AP3B1: variants seen among roughly 807,000 people sequenced by gnomAD.
The protein encoded by AP3B1 is AP-3 complex subunit beta-1.
Under a neutral mutation model 132.5 loss-of-function variants are expected in AP3B1, and 61 were observed. That is an observed-to-expected ratio of 0.46 (90% CI 0.37 to 0.57). The LOEUF is 0.57. Ranked by LOEUF, AP3B1 falls within the 20% of genes least tolerant of loss-of-function variation. The pLI is 0.00. For missense variants in AP3B1, 1,120 were observed against 1,289.4 expected (o/e 0.87, Z 2.01); for synonymous variants, 388 against 438.3 (o/e 0.89, Z 1.43).
intron 1 of AP3B1, among the ~76,000 whole-genome samples, chr5:78,286,202 C>T (rs1486937418): frequency 6.6e-6 from 1 of 152,170 alleles, no homozygotes; most frequent in East Asian, 1.9e-4. Flanking sequence ...TTGCAGAAAA[C>T]CCATTCCAAG....
At chr5:78,084,132 C>T (rs1750129726) in intron 22 of AP3B1, among the ~76,000 whole-genome samples, 1 of 151,930 alleles carries the variant, frequency 6.6e-6, no homozygotes, top group Non-Finnish European at 1.5e-5. Context: ...ATCTGCCTTG[C>T]TATCATTTCA....
chr5:78,133,661 TAATTA>T (rs138209505), intron 15 of AP3B1, among the ~76,000 whole-genome samples: 1,709 of 152,310 alleles, frequency 0.011, 27 homozygotes, highest in African/African-American at 0.038. Context: ...GATGGGATAT[TAATTA>T]AATAGTACTT....
chr5:78,142,378 ATTTG>A (rs1753187293), intron 14 of AP3B1, among the ~76,000 whole-genome samples: 1 of 152,160 alleles, frequency 6.6e-6, no homozygotes, highest in Non-Finnish European at 1.5e-5. Context: ...CGCACAGAAA[ATTTG>A]TTTTTTATAA....
chr5:78,122,461 C>A (rs932450767), intron 17 of AP3B1, among the ~76,000 whole-genome samples: 1 of 152,120 alleles, frequency 6.6e-6, no homozygotes, highest in Non-Finnish European at 1.5e-5. Context: ...CGTCTCAGCC[C>A]AAAATCTCCT....
At chr5:78,097,129 C>T (rs1580342162) in intron 21 of AP3B1, among the ~76,000 whole-genome samples, 2 of 131,258 alleles carry the variant, frequency 1.5e-5, no homozygotes, top group South Asian at 2.4e-4. Context: ...GCCCCCCACC[C>T]GGCCAGCCGC....
chr5:78,185,139 G>GA (rs898916417), intron 7 of AP3B1, among the ~76,000 whole-genome samples: 1 of 152,018 alleles, frequency 6.6e-6, no homozygotes, highest in Non-Finnish European at 1.5e-5. Flanking sequence ...TGAAGGGGGA[G>GA]AAAATCAAGA....
intron 22 of AP3B1, chr5:78,043,805 C>A: frequency 2.7e-6 from 1 of 369,150 alleles, no homozygotes; most frequent in Non-Finnish European, 5.4e-6. Flanking sequence ...GCCTGAAGAG[C>A]CTCCATAAAT....
chr5:78,128,428 G>A (rs1752555386), intron 16 of AP3B1, among the ~76,000 whole-genome samples: 1 of 152,090 alleles, frequency 6.6e-6, no homozygotes, highest in Non-Finnish European at 1.5e-5. Context: ...ACTTTACTGT[G>A]AATATTAAGA....
chr5:78,067,970 T>A (rs1392353572), intron 22 of AP3B1, among the ~76,000 whole-genome samples: 8 of 146,482 alleles, frequency 5.5e-5, no homozygotes, highest in African/African-American at 2.0e-4. Context: ...AAAAAATCAA[T>A]GAATCCAGGA....
In AP3B1 at chr5:78,041,206, G is replaced by A. The variant is rs184050280; in HGVS notation, c.2578-1932C>T. On this transcript the variant is annotated intron_variant, in intron 22 of 26. Transcript: ENST00000255194. ...GGAGAATGGCTTGAACCTGGGAGGCGGAGGTTGCTGTGGGCTGAGATCGCG... is the reference window on the plus strand; with the variant it reads ...GGAGAATGGCTTGAACCTGGGAGGCAGAGGTTGCTGTGGGCTGAGATCGCG... 3.7e-3 allele frequency among the ~76,000 whole-genome samples: 559 copies of A among 151,602 alleles called. 2 individuals carry two copies. Among genetic ancestry groups the A allele is most frequent in the African/African-American group, 0.011 (452 of 41,288 alleles).
chr5:78,070,188 C>T (rs891205524), intron 22 of AP3B1, among the ~76,000 whole-genome samples: 3 of 152,074 alleles, frequency 2.0e-5, no homozygotes, highest in African/African-American at 4.8e-5. Flanking sequence ...AGGCGGATCA[C>T]CTGAGGTCAG....
At chr5:78,196,565 A>C (rs1745084064) in intron 7 of AP3B1, among the ~76,000 whole-genome samples, 1 of 152,168 alleles carries the variant, frequency 6.6e-6, no homozygotes, top group Admixed American at 6.5e-5. Flanking sequence ...AAAAGCCTGC[A>C]CATGGATACA....
At chr5:78,265,229 G>A (rs1748270061) in intron 2 of AP3B1, among the ~76,000 whole-genome samples, 1 of 152,054 alleles carries the variant, frequency 6.6e-6, no homozygotes, top group African/African-American at 2.4e-5. Flanking sequence ...GTAAAACCAA[G>A]AGTTCTACAC....
chr5:78,032,374 A>G (rs1360831725), intron 24 of AP3B1, among the ~76,000 whole-genome samples: 2 of 152,166 alleles, frequency 1.3e-5, no homozygotes, highest in Non-Finnish European at 1.5e-5. Context: ...GAAAAAATTC[A>G]ATATCAGCCA....
intron 14 of AP3B1, among the ~76,000 whole-genome samples, chr5:78,144,986 A>G (rs1164699336): frequency 1.3e-5 from 2 of 152,180 alleles, no homozygotes; most frequent in African/African-American, 4.8e-5. Context: ...GGCATGAGCC[A>G]CCATGCCAGC....
At chr5:78,101,423 A>G (rs1751121110) in intron 20 of AP3B1, 2 of 392,340 alleles carry the variant, frequency 5.1e-6, no homozygotes, top group East Asian at 1.6e-4. Flanking sequence ...CATAGCTCAG[A>G]TATTTTTGAT....
rs1042732220 is a variant in AP3B1 at position 78,215,737 on chromosome 5, C to CA, written c.786+317dup. Among the ~76,000 whole-genome samples the CA allele has an allele frequency of 2.2e-4, 34 of 152,148 alleles. 1 individual carries two copies. The highest frequency in any genetic ancestry group is 8.2e-4 in the African/African-American group (34 of 41,538). The stretch of plus-strand genomic sequence containing the variant: ...CAAAGACGTGAAAGTAACTAGTAAC[C>CA]AAAAAAATCCATGGTTTGGCAATGT... On this transcript the variant is annotated intron_variant, in intron 7 of 26. Coordinates refer to ENST00000255194, the MANE Select transcript of AP3B1 (RefSeq NM_003664.5).
chr5:78,071,204 T>C (rs566574921), intron 22 of AP3B1, among the ~76,000 whole-genome samples: 1 of 152,192 alleles, frequency 6.6e-6, no homozygotes, highest in Non-Finnish European at 1.5e-5. Flanking sequence ...ATGGTACATA[T>C]ATTCCATGAA....
chr5:78,127,527 C>T (rs1171841337), intron 17 of AP3B1, among the ~76,000 whole-genome samples: 1 of 152,110 alleles, frequency 6.6e-6, no homozygotes, highest in African/African-American at 2.4e-5. Context: ...ATATTATTCA[C>T]TTTGTGACCT....
Sources: allele counts gnomAD v4.1 joint callset (sites outside exome capture counted in the v4.1 genomes callset), GRCh38; gene constraint gnomAD v4.1.1; transcripts MANE v1.5; gene names NCBI Gene and HGNC (gene_info 2026-07-23, HGNC 2026-07-21).